The following CHST12 variants were observed in gnomAD, a reference collection of about 807,000 sequenced individuals.
CHST12 encodes the protein carbohydrate (chondroitin 4) sulfotransferase 12.
Under a neutral mutation model 27.9 loss-of-function variants are expected in CHST12, and 23 were observed. The ratio of observed to expected loss-of-function variants is 0.82; its 90% CI spans 0.59 to 1.17. CHST12 has a LOEUF of 1.17. CHST12 is among the 50% of genes most tolerant of loss of function. The pLI, the probability that CHST12 is intolerant of heterozygous loss-of-function variation, is 0.00. For missense variants in CHST12, 682 were observed against 603.0 expected (o/e 1.13, Z -1.37); for synonymous variants, 322 against 273.0 (o/e 1.18, Z -1.77).
rs375702941 is a variant in CHST12 at position 2,433,176 on chromosome 7, G to A, written c.537G>A (p.Lys179=). Reference sequence around the variant, plus strand: ...CCAAGGTGGCCTGCACCAACTGGAAGCGCGTGATGATCGTGCTGAGCGGAA... The same window carrying A: ...CCAAGGTGGCCTGCACCAACTGGAAACGCGTGATGATCGTGCTGAGCGGAA... ...YVPKVACTNW[K]RVMIVLSGSL... is the part of the protein sequence containing the mutation. The change falls in exon 2 of 2, where the codon AAG becomes AAA. Residue 179 remains lysine, a synonymous_variant. Transcript: ENST00000618655. The surrounding 1 kb of genome is among the most constrained non-coding windows in gnomAD (Gnocchi z 6.1). 2.4e-5 allele frequency: 39 copies of A among 1,613,062 alleles called. No individual in the cohort carries two copies. In the African/African-American group the frequency reaches 4.8e-4, roughly 20 times the overall value.
intron 1 of CHST12, among the ~76,000 whole-genome samples, chr7:2,426,757 G>A (rs1018342326): frequency 1.5e-4 from 23 of 152,034 alleles, no homozygotes; most frequent in Non-Finnish European, 1.2e-4. Flanking sequence ...TTTGGAGGCC[G>A]AGGAAGGTGG....
chr7:2,410,851 G>C (rs1191530347), intron 1 of CHST12, among the ~76,000 whole-genome samples: 1 of 152,100 alleles, frequency 6.6e-6, no homozygotes. Context: ...AAGGACTCGA[G>C]ATAGGAAGCC....
intron 1 of CHST12, among the ~76,000 whole-genome samples, chr7:2,428,962 A>G (rs1049369758): frequency 6.6e-6 from 1 of 152,192 alleles, no homozygotes; most frequent in Non-Finnish European, 1.5e-5. Context: ...TCTTATCCAT[A>G]TGGACAGGCG....
chr7:2,427,395 G>A (rs769016764), intron 1 of CHST12, among the ~76,000 whole-genome samples: 10 of 151,716 alleles, frequency 6.6e-5, no homozygotes, highest in Non-Finnish European at 1.5e-4. Context: ...CAGCTACTTG[G>A]AAGGCTGAGA....
chr7:2,426,997 G>C (rs1782140001), intron 1 of CHST12, among the ~76,000 whole-genome samples: 1 of 150,630 alleles, frequency 6.6e-6, no homozygotes. Context: ...TCTCACAAAA[G>C]AAAAAGAGAG....
At chr7:2,431,397 C>T (rs985308479) in intron 1 of CHST12, among the ~76,000 whole-genome samples, 22 of 152,234 alleles carry the variant, frequency 1.4e-4, no homozygotes, top group Non-Finnish European at 2.5e-4. Context: ...CTTGCCCCAC[C>T]TCTAACCACC....
At chr7:2,414,326 C>T (rs527345744) in intron 1 of CHST12, among the ~76,000 whole-genome samples, 2 of 151,956 alleles carry the variant, frequency 1.3e-5, no homozygotes, top group African/African-American at 4.8e-5. Flanking sequence ...TCTTGTCACC[C>T]AGGCTGGAGC....
In CHST12 at chr7:2,447,831, T is replaced by C. The variant is rs183371877; in HGVS notation, c.*13947T>C. ...CAAGTTTATTAACAAAGTTAAGAAA[T>C]AAAGAATGGCTATTCCATAGGGAGA... On this transcript the variant is annotated 3_prime_UTR_variant, in exon 2 of 2. Transcript: ENST00000618655. The C allele has an allele frequency of 1.7e-4, 26 of 151,232 alleles. No homozygotes were observed. The highest frequency in any genetic ancestry group is 6.1e-4 in the African/African-American group (25 of 41,152). The allele number at this position is 151,232 out of a possible 1,614,324, so 9.4% of individuals were successfully genotyped here.
chr7:2,421,746 A>C (rs1377383379), intron 1 of CHST12, among the ~76,000 whole-genome samples: 2 of 150,672 alleles, frequency 1.3e-5, no homozygotes, highest in African/African-American at 4.9e-5. Flanking sequence ...CTTTTTAAAC[A>C]TTTTTTATAG....
chr7:2,429,062 G>A (rs1358938221), intron 1 of CHST12, among the ~76,000 whole-genome samples: 1 of 152,190 alleles, frequency 6.6e-6, no homozygotes, highest in African/African-American at 2.4e-5. Context: ...TAGGAATCTT[G>A]GTGATGTGAA....
intron 1 of CHST12, among the ~76,000 whole-genome samples, chr7:2,410,112 G>A (rs1021644396): frequency 6.6e-6 from 1 of 152,166 alleles, no homozygotes; most frequent in Non-Finnish European, 1.5e-5. Context: ...TTCCAAGGGG[G>A]TTTTAAAACA....
chr7:2,434,575 C>A lies in CHST12; in HGVS notation c.*691C>A. The A allele has an allele frequency of 2.5e-5, 1 of 39,346 alleles. No individual in the cohort carries two copies. Among genetic ancestry groups the A allele is most frequent in the Non-Finnish European group, 5.4e-5 (1 of 18,678 alleles). 2.4% of individuals were successfully genotyped at this position (39,346 alleles called of 1,614,324 possible). On this transcript the variant is annotated 3_prime_UTR_variant, in exon 2 of 2. Coordinates refer to ENST00000618655, the MANE Select transcript of CHST12 (RefSeq NM_018641.5). ...TGGCCAACATGGTGAAACCCTGTCT[C>A]TACTAAAAAAAAAAAAAAAAAAAAA...
At chr7:2,431,465 C>G (rs149918330) in intron 1 of CHST12, among the ~76,000 whole-genome samples, 46 of 152,362 alleles carry the variant, frequency 3.0e-4, no homozygotes, top group African/African-American at 1.1e-3. Context: ...TCAGCTCCTA[C>G]TGGGCCCTGA....
At chr7:2,417,198 GC>G (rs1369464774) in intron 1 of CHST12, among the ~76,000 whole-genome samples, 1 of 151,806 alleles carries the variant, frequency 6.6e-6, no homozygotes, top group Non-Finnish European at 1.5e-5. Flanking sequence ...AGACAGGCAG[GC>G]AGAGAGAGTT....
intron 1 of CHST12, among the ~76,000 whole-genome samples, chr7:2,408,974 A>C (rs1038769314): frequency 1.3e-5 from 2 of 152,226 alleles, no homozygotes; most frequent in East Asian, 1.9e-4. Context: ...AGAGGAGTTG[A>C]TACAGTTGGC....
intron 1 of CHST12, among the ~76,000 whole-genome samples, chr7:2,422,842 C>T (rs1318523860): frequency 6.8e-6 from 1 of 147,538 alleles, no homozygotes; most frequent in Non-Finnish European, 1.5e-5. Context: ...CCCTGCTTTG[C>T]TGCTTTCTTA....
chr7:2,424,193 A>T (rs1027856403), intron 1 of CHST12, among the ~76,000 whole-genome samples: 17 of 152,160 alleles, frequency 1.1e-4, no homozygotes, highest in Admixed American at 9.8e-4. Flanking sequence ...GTCTCTACAG[A>T]ATAATTTTAA....
intron 1 of CHST12, among the ~76,000 whole-genome samples, chr7:2,428,229 C>G (rs1447225220): frequency 6.8e-6 from 1 of 146,502 alleles, no homozygotes; most frequent in Non-Finnish European, 1.5e-5. Flanking sequence ...GAGTCTTGCT[C>G]TATCACCCAG....
rs1318063571 is a variant in CHST12 at position 2,434,110 on chromosome 7, C to CCGCCCG, written c.*227_*228insGCCCGC. 29 of 378,846 alleles carry CCGCCCG rather than the reference C, an allele frequency of 7.7e-5. No homozygotes were observed. The highest frequency in any genetic ancestry group is 7.0e-4 in the African/African-American group (26 of 37,150). 23.5% of individuals were successfully genotyped at this position (378,846 alleles called of 1,614,324 possible). On this transcript the variant is annotated 3_prime_UTR_variant, in exon 2 of 2. Transcript: ENST00000618655. ...AATATCCCCTCTCCCCTCCGCCCGC[C>CCGCCCG]CACCCGCCCGCCCGCTCGCCCGCTC...
Sources: allele counts gnomAD v4.1 joint callset (sites outside exome capture counted in the v4.1 genomes callset), GRCh38; gene constraint gnomAD v4.1.1; non-coding constraint Gnocchi (gnomAD v3.1); transcripts MANE v1.5; gene names NCBI Gene and HGNC (gene_info 2026-07-23, HGNC 2026-07-21).